Variants in CCSER1 observed in about 807,000 individuals in gnomAD.
CCSER1 encodes the protein coiled-coil serine rich protein 1.
Under a neutral mutation model 82.0 loss-of-function variants are expected in CCSER1, and 41 were observed. That is an observed-to-expected ratio of 0.50 (90% CI 0.39 to 0.65). CCSER1 has a LOEUF of 0.65. CCSER1 is among the 30% of genes least tolerant of loss of function. The probability of loss-of-function intolerance (pLI) is 0.00; values close to 1 mark genes in which losing one functional copy is unlikely to be tolerated. For synonymous variants in CCSER1, 414 were observed against 383.9 expected (o/e 1.08, Z -0.92); for missense variants, 1,119 against 1,064.2 (o/e 1.05, Z -0.72).
chr4:90,675,671 G>T (rs1242735800), intron 6 of CCSER1, among the ~76,000 whole-genome samples: 1 of 36 alleles, frequency 0.028, no homozygotes. Flanking sequence ...TTTTTTTTTG[G>T]CTTGGGTTGG....
At chr4:90,779,967 ATTATTCT>A (rs1753524197) in intron 7 of CCSER1, among the ~76,000 whole-genome samples, 1 of 152,244 alleles carries the variant, frequency 6.6e-6, no homozygotes, top group African/African-American at 2.4e-5. Context: ...GATGATTTAA[ATTATTCT>A]TTAAATAATT....
intron 5 of CCSER1, among the ~76,000 whole-genome samples, chr4:90,514,872 A>G (rs1772044710): frequency 1.3e-5 from 2 of 151,442 alleles, no homozygotes; most frequent in Admixed American, 1.3e-4. Flanking sequence ...ATAGTTAATT[A>G]CTTTTTTTTT....
At chr4:90,497,960 T>C (rs996108442) in intron 5 of CCSER1, among the ~76,000 whole-genome samples, 9 of 152,000 alleles carry the variant, frequency 5.9e-5, no homozygotes, top group Non-Finnish European at 8.8e-5. Flanking sequence ...TTTTTTTTTT[T>C]TTTGAGATGG....
intron 8 of CCSER1, among the ~76,000 whole-genome samples, chr4:90,828,568 T>C (rs1760768073): frequency 6.6e-6 from 1 of 152,212 alleles, no homozygotes; most frequent in African/African-American, 2.4e-5. Flanking sequence ...CTCTTTGAGC[T>C]ATTCTAGGAC....
intron 7 of CCSER1, among the ~76,000 whole-genome samples, chr4:90,734,130 AATTT>A (rs1745254207): frequency 6.6e-6 from 1 of 150,976 alleles, no homozygotes; most frequent in African/African-American, 2.4e-5. Flanking sequence ...TTAATTAATT[AATTT>A]ATTTATTTTG....
rs577584680 is a variant in CCSER1 at position 91,038,278 on chromosome 4, G to A, written c.2173-47672G>A. Among the ~76,000 whole-genome samples, 42 of 151,920 alleles carry A rather than the reference G, an allele frequency of 2.8e-4. No individual in the cohort carries two copies. The South Asian group carries it at 8.1e-3, about 29-fold the overall frequency. Reference sequence around the variant, plus strand: ...TTTATAGTAAAGAAATATTAGTCAAGTATGAAACATTGCTAATTTGAATCC... The same window carrying A: ...TTTATAGTAAAGAAATATTAGTCAAATATGAAACATTGCTAATTTGAATCC... On this transcript the variant is annotated intron_variant, in intron 9 of 10. Coordinates refer to ENST00000509176, the MANE Select transcript of CCSER1 (RefSeq NM_001145065.2).
chr4:90,432,148 G>A (rs1758355501), intron 4 of CCSER1, among the ~76,000 whole-genome samples: 1 of 152,090 alleles, frequency 6.6e-6, no homozygotes, highest in Admixed American at 6.6e-5. Context: ...TTACATGATA[G>A]AGTCATTATG....
At chr4:91,259,460 A>T (rs1740936697) in intron 10 of CCSER1, among the ~76,000 whole-genome samples, 1 of 152,110 alleles carries the variant, frequency 6.6e-6, no homozygotes. Flanking sequence ...ATATATATAT[A>T]TACACACTTC....
Position 91,220,094 on chromosome 4 carries a change from A to G in CCSER1, c.2217+134100A>G, listed in dbSNP as rs187087417. On this transcript the variant is annotated intron_variant, in intron 10 of 10. Coordinates refer to ENST00000509176, the MANE Select transcript of CCSER1 (RefSeq NM_001145065.2). ...CTCCCGAGTCACTTTTGGGAAGAGC[A>G]TAGGGTTTAATGAAACTGTTGAACT... is the stretch of plus-strand genomic sequence containing the variant. Among the ~76,000 whole-genome samples, 35 of 152,334 alleles carry G rather than the reference A, an allele frequency of 2.3e-4. No homozygotes were observed. The East Asian group carries it at 6.7e-3, about 29-fold the overall frequency.
chr4:91,158,342 C>A (rs1291169077), intron 10 of CCSER1, among the ~76,000 whole-genome samples: 2 of 151,944 alleles, frequency 1.3e-5, no homozygotes, highest in Admixed American at 1.3e-4. Context: ...AAGGCAGCAT[C>A]CTTTTGAGGC....
chr4:91,343,748 C>T (rs1747873958), intron 10 of CCSER1, among the ~76,000 whole-genome samples: 1 of 152,100 alleles, frequency 6.6e-6, no homozygotes, highest in Admixed American at 6.5e-5. Flanking sequence ...AGAGGAGGTA[C>T]TAGACTAAGC....
chr4:90,818,541 T>A (rs1397064527), intron 8 of CCSER1, among the ~76,000 whole-genome samples: 1 of 152,190 alleles, frequency 6.6e-6, no homozygotes. Context: ...TTTCCCAAAG[T>A]GCTGGGATTA....
At chr4:90,428,410 C>T (rs1179051342) in intron 4 of CCSER1, among the ~76,000 whole-genome samples, 2 of 151,794 alleles carry the variant, frequency 1.3e-5, no homozygotes, top group Non-Finnish European at 2.9e-5. Context: ...TTCTGACTCC[C>T]CCAAAACTTA....
At chr4:91,467,829 G>A (rs961700867) in intron 10 of CCSER1, among the ~76,000 whole-genome samples, 1 of 152,062 alleles carries the variant, frequency 6.6e-6, no homozygotes, top group African/African-American at 2.4e-5. Flanking sequence ...TTAGAATGGT[G>A]ATCATTAAAA....
At chr4:90,720,020 A>G (rs141586626) in intron 6 of CCSER1, among the ~76,000 whole-genome samples, 2 of 152,146 alleles carry the variant, frequency 1.3e-5, no homozygotes, top group South Asian at 2.1e-4. Context: ...TTATTTGCTC[A>G]TTCTTTTAAT....
chr4:91,541,645 G>T (rs7684576), intron 10 of CCSER1, among the ~76,000 whole-genome samples: 81,959 of 151,966 alleles, frequency 0.54, 22,318 homozygotes, highest in East Asian at 0.61. Flanking sequence ...CATTTGAGTT[G>T]GTTCCAAATC....
rs949219183 is a variant in CCSER1 at position 90,637,293 on chromosome 4, C to T, written c.1932+9061C>T. 7.2e-5 allele frequency among the ~76,000 whole-genome samples: 11 copies of T among 152,226 alleles called. No individual in the cohort carries two copies. In the East Asian group the frequency reaches 9.7e-4, roughly 13 times the overall value. On this transcript the variant is annotated intron_variant, in intron 6 of 10. Coordinates refer to ENST00000509176, the MANE Select transcript of CCSER1 (RefSeq NM_001145065.2). ...TCAGTTCCTTACCATGTAGCCTTTT[C>T]GCTGGTCAACATGGCAGTTGGCTTC... is the stretch of plus-strand genomic sequence containing the variant.
rs537393568 is a variant in CCSER1, at chr4:90,881,634, A to C, written c.2095-41736A>C. Among the ~76,000 whole-genome samples, 4 of 151,910 alleles carry C rather than the reference A, an allele frequency of 2.6e-5. No individual in the cohort carries two copies. The South Asian group carries it at 8.3e-4, about 32-fold the overall frequency. On this transcript the variant is annotated intron_variant, in intron 8 of 10. Transcript: ENST00000509176. The stretch of plus-strand genomic sequence containing the variant: ...CAAAAATGCAACAACAACAACAAAA[A>C]ATTGGCCAGGCTTGGTGGCACACGC...
chr4:90,739,616 C>T (rs1561048891), intron 7 of CCSER1, among the ~76,000 whole-genome samples: 1 of 152,306 alleles, frequency 6.6e-6, no homozygotes, highest in East Asian at 1.9e-4. Context: ...GGTAGTGGGG[C>T]TTACTGGAAT....
Sources: gnomAD v4.1 joint callset for allele counts (sites outside exome capture counted in the v4.1 genomes callset) on GRCh38, gnomAD v4.1.1 for gene constraint, MANE v1.5 for transcripts, NCBI Gene and HGNC (gene_info 2026-07-23, HGNC 2026-07-21) for gene names.